Variants in KITLG observed in about 807,000 individuals in gnomAD.
KITLG encodes KIT ligand.
Under a neutral mutation model 34.1 loss-of-function variants are expected in KITLG, and 13 were observed. That is an observed-to-expected ratio of 0.38 (90% CI 0.25 to 0.61). KITLG has a LOEUF of 0.61. KITLG is among the 20% of genes least tolerant of loss of function. The pLI is 0.60. For synonymous variants in KITLG, 110 were observed against 104.0 expected (o/e 1.06, Z -0.35); for missense variants, 292 against 318.9 (o/e 0.92, Z 0.64).
At chr12:88,562,718 G>A (rs922661930) in intron 1 of KITLG, among the ~76,000 whole-genome samples, 3 of 152,130 alleles carry the variant, frequency 2.0e-5, no homozygotes, top group African/African-American at 4.8e-5. Context: ...GTCCATGTAA[G>A]TGGAAAACTA....
chr12:88,552,228 G>A (rs1870942305), intron 1 of KITLG, among the ~76,000 whole-genome samples: 1 of 147,758 alleles, frequency 6.8e-6, no homozygotes, highest in South Asian at 2.2e-4. Flanking sequence ...AGGCTGGGAT[G>A]CAGTGGTGCA....
Position 88,494,305 on chromosome 12 carries a change from T to C in KITLG, c.*2914A>G, listed in dbSNP as rs1868525790. The C allele has an allele frequency of 6.6e-6, 1 of 151,962 alleles. No homozygotes were observed. Among genetic ancestry groups the C allele is most frequent in the Non-Finnish European group, 1.5e-5 (1 of 67,880 alleles). 9.4% of individuals were successfully genotyped at this position (151,962 alleles called of 1,614,324 possible). On this transcript the variant is annotated 3_prime_UTR_variant, in exon 10 of 10. Coordinates refer to ENST00000644744, the MANE Select transcript of KITLG (RefSeq NM_000899.5). Reference sequence around the variant, plus strand: ...AAATGAAAACTTGGCTGCAGTAAAATATTTTTAAAATCCATGATTTCTGAA... The same window carrying C: ...AAATGAAAACTTGGCTGCAGTAAAACATTTTTAAAATCCATGATTTCTGAA...
At chr12:88,579,729 G>A (rs967423720) in intron 1 of KITLG, among the ~76,000 whole-genome samples, 2 of 151,620 alleles carry the variant, frequency 1.3e-5, no homozygotes, top group Non-Finnish European at 2.9e-5. Context: ...TTCCCGCCCC[G>A]CCGAGAGCTG....
intron 1 of KITLG, among the ~76,000 whole-genome samples, chr12:88,568,220 G>A (rs995957253): frequency 2.0e-5 from 3 of 151,980 alleles, no homozygotes; most frequent in Non-Finnish European, 4.4e-5. Flanking sequence ...ATTCCCTAAA[G>A]CTTACAGATA....
chr12:88,507,277 T>G (rs1869101985), intron 6 of KITLG, 140 bp from the exon 7 acceptor site: 1 of 625,376 alleles, frequency 1.6e-6, no homozygotes, highest in African/African-American at 1.8e-5. Flanking sequence ...TTGATTTTTC[T>G]GCTGAATATT....
At chr12:88,552,481 C>T (rs1385882802) in intron 1 of KITLG, among the ~76,000 whole-genome samples, 1 of 151,954 alleles carries the variant, frequency 6.6e-6, no homozygotes, top group Non-Finnish European at 1.5e-5. Flanking sequence ...TGAGCCACTG[C>T]ACCCGGCCAG....
chr12:88,526,452 A>G (rs971040956), intron 3 of KITLG, among the ~76,000 whole-genome samples: 1 of 152,208 alleles, frequency 6.6e-6, no homozygotes, highest in Non-Finnish European at 1.5e-5. Context: ...ATTATATGGT[A>G]GGGAAATTTT....
intron 6 of KITLG, among the ~76,000 whole-genome samples, chr12:88,514,384 A>T (rs1183131988): frequency 6.6e-6 from 1 of 151,638 alleles, no homozygotes; most frequent in Non-Finnish European, 1.5e-5. Flanking sequence ...TGAAAATGTT[A>T]ATAAAATCCA....
intron 5 of KITLG, among the ~76,000 whole-genome samples, chr12:88,515,935 AAGAGTCTTAATAC>A (rs771060995): frequency 4.6e-5 from 7 of 151,880 alleles, no homozygotes; most frequent in Non-Finnish European, 8.8e-5. Flanking sequence ...GAAGGGAAAA[AAGAGTCTTAATAC>A]AGAGTAACTG....
chr12:88,576,491 C>T (rs557594395), intron 1 of KITLG, among the ~76,000 whole-genome samples: 1 of 152,288 alleles, frequency 6.6e-6, no homozygotes, highest in South Asian at 2.1e-4. Context: ...TAGTAAGCTA[C>T]TATGCTGGTA....
intron 2 of KITLG, among the ~76,000 whole-genome samples, chr12:88,540,479 T>C (rs1870479975): frequency 6.6e-6 from 1 of 152,100 alleles, no homozygotes; most frequent in African/African-American, 2.4e-5. Context: ...GCATGGTGTC[T>C]GTGTACTCAT....
In KITLG at chr12:88,534,605, G is replaced by A. The variant is rs111418605; in HGVS notation, c.130-2102C>T. Reference sequence around the variant, plus strand: ...TGGTCTCAAACTCCTGGCCTCAAGTGATCTGCCTGCCTTGGCCTCCCAAAA... The same window carrying A: ...TGGTCTCAAACTCCTGGCCTCAAGTAATCTGCCTGCCTTGGCCTCCCAAAA... On this transcript the variant is annotated intron_variant, in intron 2 of 9. Coordinates refer to ENST00000644744, the MANE Select transcript of KITLG (RefSeq NM_000899.5). 2,663 of 463,654 alleles carry A rather than the reference G, an allele frequency of 5.7e-3. 37 individuals are homozygous for A. Among genetic ancestry groups the A allele is most frequent in the African/African-American group, 0.03 (1,493 of 49,614 alleles). 28.7% of individuals were successfully genotyped at this position (463,654 alleles called of 1,614,324 possible). A position where few individuals can be genotyped will look rare whatever the true frequency, so the allele number is the denominator to read the frequency against.
chr12:88,561,629 A>G (rs1419033811), intron 1 of KITLG, among the ~76,000 whole-genome samples: 2 of 152,158 alleles, frequency 1.3e-5, no homozygotes, highest in Non-Finnish European at 2.9e-5. Flanking sequence ...AAAATCTCCC[A>G]ATGCCTTCCC....
chr12:88,554,950 C>A (rs994292408), intron 1 of KITLG, among the ~76,000 whole-genome samples: 1 of 152,102 alleles, frequency 6.6e-6, no homozygotes, highest in Non-Finnish European at 1.5e-5. Flanking sequence ...AACTTGGAGT[C>A]CAAATTGGTG....
intron 1 of KITLG, among the ~76,000 whole-genome samples, chr12:88,559,218 C>T (rs2080064399): frequency 6.6e-6 from 1 of 152,188 alleles, no homozygotes; most frequent in African/African-American, 2.4e-5. Context: ...TTATCAGACG[C>T]CCTTTAAGTT....
intron 7 of KITLG, among the ~76,000 whole-genome samples, chr12:88,506,759 T>A (rs1270894136): frequency 6.6e-6 from 1 of 152,192 alleles, no homozygotes; most frequent in East Asian, 1.9e-4. Flanking sequence ...GTCTTTTAAG[T>A]ATATCATATG....
intron 3 of KITLG, among the ~76,000 whole-genome samples, chr12:88,524,600 T>G (rs1869796825): frequency 1.3e-5 from 2 of 152,288 alleles, no homozygotes; most frequent in South Asian, 4.1e-4. Context: ...ATTTATTTTT[T>G]TTTTAGTGTT....
chr12:88,554,472 A>C (rs1305670014), intron 1 of KITLG, among the ~76,000 whole-genome samples: 1 of 152,160 alleles, frequency 6.6e-6, no homozygotes, highest in Non-Finnish European at 1.5e-5. Context: ...CAAAAACAAC[A>C]TTCATCTTCT....
intron 3 of KITLG, among the ~76,000 whole-genome samples, chr12:88,530,819 T>C (rs1044544873): frequency 6.6e-5 from 10 of 152,276 alleles, no homozygotes; most frequent in African/African-American, 2.4e-4. Context: ...TGCTTACTAA[T>C]AAAAAGAAAT....
Sources: allele counts gnomAD v4.1 joint callset (sites outside exome capture counted in the v4.1 genomes callset), GRCh38; gene constraint gnomAD v4.1.1; transcripts MANE v1.5; gene names NCBI Gene and HGNC (gene_info 2026-07-23, HGNC 2026-07-21).